RBFOX1: variants seen among roughly 807,000 people sequenced by gnomAD.
RBFOX1 encodes the protein RNA binding fox-1 homolog 1, also known as RNA binding protein fox-1 homolog 1.
Under a neutral mutation model 57.7 loss-of-function variants are expected in RBFOX1, and 8 were observed. The ratio of observed to expected loss-of-function variants is 0.14; its 90% CI spans 0.08 to 0.25. The LOEUF is 0.25. RBFOX1 is among the 10% of genes least tolerant of loss of function. The probability of loss-of-function intolerance (pLI) is 1.00; values close to 1 mark genes in which losing one functional copy is unlikely to be tolerated. For synonymous variants in RBFOX1, 326 were observed against 222.4 expected, an observed-to-expected ratio of 1.47 and a Z score of -4.15; for missense variants, 611 against 548.5, an observed-to-expected ratio of 1.11 and a Z score of -1.14.
intron 1 of RBFOX1, among the ~76,000 whole-genome samples, chr16:5,362,458 G>T (rs2065579880): frequency 6.6e-6 from 1 of 152,198 alleles, no homozygotes; most frequent in Non-Finnish European, 1.5e-5. Context: ...TGCCTCCTGG[G>T]TTCAAGCGAT....
At chr16:6,460,250 G>A (rs911937509) in intron 2 of RBFOX1, among the ~76,000 whole-genome samples, 1 of 151,940 alleles carries the variant, frequency 6.6e-6, no homozygotes, top group East Asian at 1.9e-4. Flanking sequence ...TTTTCCCTGT[G>A]TTTTTCCCTG....
chr16:7,154,589 G>C (rs1003328150), intron 4 of RBFOX1, among the ~76,000 whole-genome samples: 1 of 152,058 alleles, frequency 6.6e-6, no homozygotes, highest in East Asian at 1.9e-4. Flanking sequence ...TAAACTTGAA[G>C]GCATTTAGAA....
chr16:7,078,090 C>T (rs559360353), intron 4 of RBFOX1, among the ~76,000 whole-genome samples: 1 of 152,280 alleles, frequency 6.6e-6, no homozygotes, highest in South Asian at 2.1e-4. Flanking sequence ...ACTTGCTCCT[C>T]CTCCTCTTTG....
chr16:6,079,016 C>T (rs571599023), intron 1 of RBFOX1, among the ~76,000 whole-genome samples: 1 of 152,262 alleles, frequency 6.6e-6, no homozygotes, highest in African/African-American at 2.4e-5. Context: ...GTGTAAAAGT[C>T]ATTTTTCTCT....
chr16:7,450,392 C>CAAA (rs57188328), intron 4 of RBFOX1, among the ~76,000 whole-genome samples: 4,177 of 67,300 alleles, frequency 0.062, 441 homozygotes, highest in East Asian at 0.3. Context: ...GACTCTGTCT[C>CAAA]AAAAAAAAAA....
chr16:6,518,972 G>A (rs575475764), intron 2 of RBFOX1, among the ~76,000 whole-genome samples: 2 of 151,962 alleles, frequency 1.3e-5, no homozygotes, highest in East Asian at 3.9e-4. Context: ...ACCTAGTGGG[G>A]CCAGAAAATA....
intron 1 of RBFOX1, among the ~76,000 whole-genome samples, chr16:6,315,547 G>GATT (rs2080994357): frequency 8.5e-6 from 1 of 117,114 alleles, no homozygotes; most frequent in Non-Finnish European, 2.0e-5. Context: ...ATGGATGGAT[G>GATT]GATGGATGGA....
rs369916242 is a variant in RBFOX1, at chr16:7,227,199, ATTC to A, written c.27+175107_27+175109del. Among the ~76,000 whole-genome samples the A allele has an allele frequency of 3.0e-3, 457 of 151,732 alleles. 2 individuals carry two copies. Among genetic ancestry groups the A allele is most frequent in the African/African-American group, 0.01 (426 of 41,434 alleles). On this transcript the variant is annotated intron_variant, in intron 4 of 15. Transcript: ENST00000550418. ...GGTAGCCTATGCAATGTGTCATTCC[ATTC>A]TTCTTTAACTGTTGCAAAACATGCC...
intron 1 of RBFOX1, among the ~76,000 whole-genome samples, chr16:6,251,938 C>T (rs1023349280): frequency 1.3e-5 from 2 of 152,026 alleles, no homozygotes; most frequent in Non-Finnish European, 2.9e-5. Context: ...CTCCTGGTTC[C>T]GAACTCATTA....
chr16:7,615,895 G>A (rs543791840), intron 10 of RBFOX1, among the ~76,000 whole-genome samples: 3 of 152,228 alleles, frequency 2.0e-5, no homozygotes, highest in Admixed American at 6.5e-5. Flanking sequence ...GACGCTATTC[G>A]AGATGCCACA....
intron 2 of RBFOX1, among the ~76,000 whole-genome samples, chr16:6,592,596 C>A (rs931638729): frequency 3.3e-5 from 5 of 152,176 alleles, no homozygotes; most frequent in Admixed American, 3.3e-4. Context: ...TAATACCTTT[C>A]TTTGCTTTGA....
intron 4 of RBFOX1, among the ~76,000 whole-genome samples, chr16:7,205,968 A>T (rs1177590941): frequency 6.6e-6 from 1 of 152,254 alleles, no homozygotes; most frequent in African/African-American, 2.4e-5. Context: ...GATTTGATCT[A>T]CGACATGATG....
chr16:7,675,945 G>A (rs143106091), intron 13 of RBFOX1, among the ~76,000 whole-genome samples: 42 of 152,296 alleles, frequency 2.8e-4, no homozygotes, highest in African/African-American at 9.1e-4. Context: ...TTCACAGTTT[G>A]ATCATCAACG....
At chr16:5,678,447 T>A (rs1261557215) in intron 3 of RBFOX1, among the ~76,000 whole-genome samples, 1 of 152,190 alleles carries the variant, frequency 6.6e-6, no homozygotes, top group Non-Finnish European at 1.5e-5. Context: ...CTAATCAATA[T>A]AGAAAGTAAA....
At chr16:5,680,484 C>T (rs2050299059) in intron 3 of RBFOX1, among the ~76,000 whole-genome samples, 2 of 152,156 alleles carry the variant, frequency 1.3e-5, no homozygotes, top group South Asian at 4.1e-4. Flanking sequence ...GACTGAGACT[C>T]CCAGTGAGTC....
At chr16:6,033,565 C>G (rs2095320847) in intron 1 of RBFOX1, among the ~76,000 whole-genome samples, 1 of 152,130 alleles carries the variant, frequency 6.6e-6, no homozygotes, top group Admixed American at 6.6e-5. Flanking sequence ...TTAAGAATAC[C>G]TTTTAAGGAT....
intron 4 of RBFOX1, among the ~76,000 whole-genome samples, chr16:5,943,079 G>A (rs1327744661): frequency 6.6e-6 from 1 of 152,132 alleles, no homozygotes; most frequent in Non-Finnish European, 1.5e-5. Flanking sequence ...TCCCTCATCA[G>A]AGATTCTCCC....
intron 4 of RBFOX1, among the ~76,000 whole-genome samples, chr16:7,297,842 A>G (rs905440833): frequency 3.3e-5 from 5 of 151,640 alleles, no homozygotes; most frequent in African/African-American, 1.2e-4. Flanking sequence ...CCCCTCCTCT[A>G]TTACCCTAGA....
At chr16:7,119,129 T>G (rs1329955525) in intron 4 of RBFOX1, among the ~76,000 whole-genome samples, 1 of 152,160 alleles carries the variant, frequency 6.6e-6, no homozygotes, top group African/African-American at 2.4e-5. Flanking sequence ...AATGTATGTG[T>G]GCTCTTGATC....
Sources: allele counts gnomAD v4.1 joint callset (sites outside exome capture counted in the v4.1 genomes callset), GRCh38; gene constraint gnomAD v4.1.1; transcripts MANE v1.5; gene names NCBI Gene and HGNC (gene_info 2026-07-23, HGNC 2026-07-21).